The following CERK variants were observed in gnomAD, a reference collection of about 807,000 sequenced individuals.
The protein encoded by CERK is acylsphingosine kinase.
A neutral mutation model predicts 63.4 loss-of-function variants in CERK; 39 were observed. That is an observed-to-expected ratio of 0.61 (90% confidence interval 0.48 to 0.80). The LOEUF (loss-of-function observed/expected upper bound fraction) is 0.80. Among genes scored for constraint, CERK ranks in the 30% least tolerant of loss-of-function variants. The pLI, the probability that CERK is intolerant of heterozygous loss-of-function variation, is 0.00. For missense variants in CERK, 670 were observed against 714.1 expected (o/e 0.94, Z 0.70); for synonymous variants, 302 against 280.0 (o/e 1.08, Z -0.78).
chr22:46,712,550 G>T (rs974777704), intron 3 of CERK, among the ~76,000 whole-genome samples: 2 of 152,180 alleles, frequency 1.3e-5, no homozygotes, highest in Non-Finnish European at 2.9e-5. Context: ...TCAGAATTCC[G>T]ACTGAGAAGG....
chr22:46,689,563 G>A lies in CERK; in HGVS notation c.1541+429C>T, dbSNP rs12160506. Among the ~76,000 whole-genome samples the A allele has an allele frequency of 4.2e-3, 646 of 152,078 alleles. 10 individuals carry two copies. The highest frequency in any genetic ancestry group is 0.015 in the African/African-American group (617 of 41,484). On this transcript the variant is annotated intron_variant, in intron 12 of 12. Transcript: ENST00000216264. ...TTTTTTTTGTATTTTTAGTAGAGAC[G>A]GGGTTTCACCATGTTGGCGAGGCTG...
chr22:46,697,054 C>T (rs1355896339), intron 8 of CERK, among the ~76,000 whole-genome samples: 4 of 152,162 alleles, frequency 2.6e-5, no homozygotes, highest in Non-Finnish European at 5.9e-5. Flanking sequence ...AGATAAATAC[C>T]TCACTTTGCC....
At chr22:46,709,942 GA>G (rs1267663705) in intron 5 of CERK, among the ~76,000 whole-genome samples, 3 of 152,072 alleles carry the variant, frequency 2.0e-5, no homozygotes, top group Non-Finnish European at 4.4e-5. Context: ...TTGGATAAGA[GA>G]ACAAATGACT....
chr22:46,703,473 G>A (rs762272981), intron 6 of CERK, among the ~76,000 whole-genome samples: 4 of 152,152 alleles, frequency 2.6e-5, no homozygotes, highest in South Asian at 2.1e-4. Flanking sequence ...GCATCCAGGC[G>A]GCCTCCCACA....
intron 3 of CERK, among the ~76,000 whole-genome samples, chr22:46,713,618 CT>C (rs1371658124): frequency 2.0e-5 from 3 of 151,966 alleles, no homozygotes; most frequent in Non-Finnish European, 4.4e-5. Flanking sequence ...CGCCCATCAC[CT>C]GAAGAAGAAA....
intron 5 of CERK, among the ~76,000 whole-genome samples, chr22:46,709,306 G>A (rs1438921400): frequency 6.6e-6 from 1 of 152,222 alleles, no homozygotes. Flanking sequence ...CTTGGCTAGG[G>A]TGGGTGCAAT....
intron 12 of CERK, among the ~76,000 whole-genome samples, chr22:46,689,590 T>G (rs1601707063): frequency 6.6e-6 from 1 of 152,206 alleles, no homozygotes; most frequent in African/African-American, 2.4e-5. Context: ...GCGAGGCTGG[T>G]CTTGAACTCC....
chr22:46,715,218 T>C (rs1056156107), intron 3 of CERK, among the ~76,000 whole-genome samples: 6 of 152,126 alleles, frequency 3.9e-5, no homozygotes, highest in African/African-American at 1.4e-4. Context: ...AGGATGCTGC[T>C]AGCACCCCTG....
chr22:46,691,954 C>T lies in CERK; in HGVS notation c.1127-177G>A, dbSNP rs943596194. 2.0e-5 allele frequency among the ~76,000 whole-genome samples: 3 copies of T among 152,192 alleles called. No individual in the cohort carries two copies. The highest frequency in any genetic ancestry group is 7.2e-5 in the African/African-American group (3 of 41,460). On this transcript the variant is annotated intron_variant, in intron 10 of 12. Coordinates refer to ENST00000216264, the MANE Select transcript of CERK (RefSeq NM_022766.6). ...ATCCACCACGGAACTGTCCGCTCCC[C>T]GCAGGAAGTGGTACCCAAAGGATCA...
At chr22:46,693,288 A>C in intron 10 of CERK, 139 bp downstream of exon 10, 2 of 689,568 alleles carry the variant, frequency 2.9e-6, no homozygotes, top group Admixed American at 2.4e-5. Context: ...GGGGCTAAGA[A>C]GAAATGGATG....
At chr22:46,734,390 G>A (rs1185523232) in intron 1 of CERK, among the ~76,000 whole-genome samples, 7 of 150,734 alleles carry the variant, frequency 4.6e-5, no homozygotes, top group Non-Finnish European at 7.4e-5. Flanking sequence ...TAAAGCAGCC[G>A]GGCACAAAGA....
In CERK at chr22:46,695,274, C is replaced by G. The variant is rs2082750573; in HGVS notation, c.985G>C (p.Val329Leu). The G allele has an allele frequency of 6.2e-7, 1 of 1,612,662 alleles. No individual in the cohort carries two copies. The highest frequency in any genetic ancestry group is 1.3e-5 in the African/African-American group (1 of 75,040). ...GTGTGTTGTGCAGGGAGGAAGGACA[C>G]TGTCCCTTCATAGCAGTGGTGGGAG... ...FLSHHCYEGT[V>L]SFLPAQHTVG... The change falls in exon 9 of 13, where the codon GTG becomes CTG. Residue 329 changes from valine (V) to leucine (L), a missense_variant. Coordinates refer to ENST00000216264, the MANE Select transcript of CERK (RefSeq NM_022766.6).
rs180670698 is a variant in CERK, at chr22:46,720,830, A to G, written c.256+72T>C. 85 of 938,622 alleles carry G rather than the reference A, an allele frequency of 9.1e-5. No individual in the cohort carries two copies. The East Asian group carries it at 1.1e-3, about 12-fold the overall frequency. 58.1% of individuals were successfully genotyped at this position (938,622 alleles called of 1,614,324 possible). ...GCATTGAGCTTGTTAAACAAGTAAC[A>G]GAAAAGTTCCCTCTCGTGTAATCTA... On this transcript the variant is annotated intron_variant, in intron 2 of 12. Coordinates refer to ENST00000216264, the MANE Select transcript of CERK (RefSeq NM_022766.6).
At chr22:46,729,944 C>G (rs1031104636) in intron 1 of CERK, among the ~76,000 whole-genome samples, 20 of 151,908 alleles carry the variant, frequency 1.3e-4, no homozygotes, top group African/African-American at 4.6e-4. Context: ...GAGGCTGAGG[C>G]AGGAGAATGG....
chr22:46,704,824 CAAAA>C (rs11431926), intron 6 of CERK, among the ~76,000 whole-genome samples: 3 of 83,696 alleles, frequency 3.6e-5, no homozygotes, highest in Non-Finnish European at 6.8e-5. Flanking sequence ...GACTCCATCT[CAAAA>C]AAAAAAAAAA....
intron 8 of CERK, 101 bp downstream of exon 8, chr22:46,699,212 G>T: frequency 1.6e-6 from 2 of 1,227,858 alleles, no homozygotes; most frequent in Non-Finnish European, 2.4e-6. Flanking sequence ...AGCAGGTGGG[G>T]GCCCACCTCT....
intron 4 of CERK, 28 bp downstream of exon 4, chr22:46,712,140 T>C (rs1212244610): frequency 1.2e-6 from 2 of 1,612,962 alleles, no homozygotes; most frequent in South Asian, 1.1e-5. Flanking sequence ...CAAACTTACT[T>C]CTACATAGTT....
At chr22:46,690,254 G>T in intron 11 of CERK, 54 bp from the exon 12 acceptor site, 1 of 1,513,102 alleles carries the variant, frequency 6.6e-7, no homozygotes, top group Non-Finnish European at 9.1e-7. Flanking sequence ...TCGTCTGGGT[G>T]GGGCAGCAGA....
At chr22:46,737,961 G>T in intron 1 of CERK, 46 bp downstream of exon 1, 3 of 1,107,202 alleles carry the variant, frequency 2.7e-6, no homozygotes, top group Non-Finnish European at 3.3e-6. Context: ...AGCCGCCCCC[G>T]CTCCCTGGCC....
Sources: allele counts gnomAD v4.1 joint callset (sites outside exome capture counted in the v4.1 genomes callset), GRCh38; gene constraint gnomAD v4.1.1; transcripts MANE v1.5; gene names NCBI Gene and HGNC (gene_info 2026-07-23, HGNC 2026-07-21).